The following SNX2 variants were observed in gnomAD, a reference collection of about 807,000 sequenced individuals.
SNX2 encodes sorting nexin 2.
In SNX2, 25 loss-of-function variants were observed where a neutral mutation model predicts 69.9. The observed-to-expected ratio is 0.36, with a 90% CI of 0.26 to 0.50. SNX2 has a LOEUF of 0.50. SNX2 is among the 20% of genes least tolerant of loss of function. The pLI is 0.97. For synonymous variants in SNX2, 229 were observed against 200.4 expected (o/e 1.14, Z -1.20); for missense variants, 551 against 613.3 (o/e 0.90, Z 1.07).
Position 122,826,053 on chromosome 5 carries a change from G to A in SNX2, c.1216G>A (p.Val406Met). The A allele has an allele frequency of 6.2e-7, 1 of 1,612,864 alleles. No homozygotes were observed. The highest frequency in any genetic ancestry group is 8.5e-7 in the Non-Finnish European group (1 of 1,179,158). The change falls in exon 12 of 15, where the codon GTG becomes ATG. Residue 406 changes from valine to methionine, a missense_variant. This residue lies in a region of SNX2 where 360 missense variants were observed against 450.4 expected (regional missense o/e 0.80). Coordinates refer to ENST00000379516, the MANE Select transcript of SNX2 (RefSeq NM_003100.4). Reference sequence around the variant, plus strand: ...GCATTATGTCATTCACTTATAGGGTGTGTTTGACCATCGAATGAAGTGCTG... The same window carrying A: ...GCATTATGTCATTCACTTATAGGGTATGTTTGACCATCGAATGAAGTGCTG... ...YIRLIAAVKGVFDHRMKCWQK... is the reference protein window; with the variant it reads ...YIRLIAAVKGMFDHRMKCWQK...
intron 6 of SNX2, among the ~76,000 whole-genome samples, chr5:122,806,810 A>AT (rs1753668932): frequency 6.6e-6 from 1 of 152,004 alleles, no homozygotes; most frequent in Non-Finnish European, 1.5e-5. Context: ...TAGGTGTCTT[A>AT]TTTTCCTTTT....
At chr5:122,810,648 C>T (rs1253683960) in intron 7 of SNX2, among the ~76,000 whole-genome samples, 1 of 152,094 alleles carries the variant, frequency 6.6e-6, no homozygotes, top group Admixed American at 6.5e-5. Flanking sequence ...ATAGTACTTA[C>T]CATACCTTCA....
At chr5:122,819,319 G>A (rs191081344) in intron 11 of SNX2, among the ~76,000 whole-genome samples, 10 of 152,246 alleles carry the variant, frequency 6.6e-5, no homozygotes, top group East Asian at 1.9e-4. Flanking sequence ...TTGTTTGCTC[G>A]TTCTAGCACT....
At chr5:122,778,408 T>C (rs372476395) in intron 1 of SNX2, among the ~76,000 whole-genome samples, 1 of 152,242 alleles carries the variant, frequency 6.6e-6, no homozygotes, top group African/African-American at 2.4e-5. Context: ...CTGTTTTCCA[T>C]AATGGCTATA....
intron 2 of SNX2, among the ~76,000 whole-genome samples, chr5:122,799,017 T>A (rs2150007230): frequency 6.6e-6 from 1 of 152,336 alleles, no homozygotes; most frequent in East Asian, 1.9e-4. Context: ...ATTTTACATT[T>A]TTGTGTGTTT....
At chr5:122,822,215 C>T (rs1255869520) in intron 11 of SNX2, among the ~76,000 whole-genome samples, 6 of 152,156 alleles carry the variant, frequency 3.9e-5, no homozygotes, top group East Asian at 1.9e-4. Flanking sequence ...CTCAGCCTCC[C>T]GAGTAGCTGG....
chr5:122,801,316 G>A (rs185756810), intron 3 of SNX2, among the ~76,000 whole-genome samples: 45 of 152,224 alleles, frequency 3.0e-4, no homozygotes, highest in Middle Eastern at 3.4e-3. Flanking sequence ...ATTAACATGA[G>A]ATTTTGGGCT....
chr5:122,797,997 C>T (rs1753422559), intron 2 of SNX2, among the ~76,000 whole-genome samples: 1 of 152,138 alleles, frequency 6.6e-6, no homozygotes, highest in African/African-American at 2.4e-5. Context: ...ATGACTTTAT[C>T]TGTACTGATT....
chr5:122,792,182 A>C (rs1753256500), intron 1 of SNX2, among the ~76,000 whole-genome samples: 1 of 152,262 alleles, frequency 6.6e-6, no homozygotes, highest in Non-Finnish European at 1.5e-5. Flanking sequence ...TAAGAGTTTG[A>C]AACTACTTTT....
At chr5:122,827,175 C>G (rs942226490) in intron 12 of SNX2, 14 of 555,712 alleles carry the variant, frequency 2.5e-5, no homozygotes, top group Non-Finnish European at 4.5e-5. Context: ...TTGAGCAAAT[C>G]TGTGGAATAT....
At chr5:122,818,786 A>G in intron 10 of SNX2, 32 bp from the exon 11 acceptor site, 1 of 1,577,334 alleles carries the variant, frequency 6.3e-7, no homozygotes, top group Non-Finnish European at 8.7e-7. Context: ...ATGAGTGAAC[A>G]CTAAAATTGC....
At chr5:122,826,289 G>C in intron 12 of SNX2, 96 bp downstream of exon 12, 1 of 1,049,064 alleles carries the variant, frequency 9.5e-7, no homozygotes, top group Middle Eastern at 3.3e-4. Flanking sequence ...CATTCAACAC[G>C]TAGCTATTTT....
chr5:122,798,622 G>T (rs946988756), intron 2 of SNX2, among the ~76,000 whole-genome samples: 1 of 152,126 alleles, frequency 6.6e-6, no homozygotes, highest in Non-Finnish European at 1.5e-5. Context: ...TTTCCTTGAG[G>T]TCCTGCCTTC....
At chr5:122,806,139 C>CGT (rs1267122485) in intron 6 of SNX2, among the ~76,000 whole-genome samples, 1 of 61,736 alleles carries the variant, frequency 1.6e-5, no homozygotes, top group African/African-American at 5.3e-5. Flanking sequence ...TACACACGCG[C>CGT]GCGCACACAC....
intron 1 of SNX2, among the ~76,000 whole-genome samples, chr5:122,791,204 A>G (rs182208446): frequency 1.3e-5 from 2 of 150,128 alleles, no homozygotes; most frequent in Non-Finnish European, 3.0e-5. Context: ...GCTCACCACA[A>G]CCTCTGCCTC....
At chr5:122,820,130 A>G (rs986108180) in intron 11 of SNX2, among the ~76,000 whole-genome samples, 1 of 152,152 alleles carries the variant, frequency 6.6e-6, no homozygotes, top group Non-Finnish European at 1.5e-5. Context: ...GATTTGTCCC[A>G]CCTACTCTCA....
intron 12 of SNX2, among the ~76,000 whole-genome samples, 190 bp downstream of exon 12, chr5:122,826,383 G>A (rs946639038): frequency 6.6e-6 from 1 of 151,824 alleles, no homozygotes; most frequent in Non-Finnish European, 1.5e-5. Context: ...CATTACTTAT[G>A]GAATGGATAA....
At chr5:122,827,806 G>T in intron 14 of SNX2, 160 bp downstream of exon 14, 1 of 571,198 alleles carries the variant, frequency 1.8e-6, no homozygotes, top group Non-Finnish European at 3.1e-6. Flanking sequence ...AAACTAATCG[G>T]AAACTATCTC....
At chr5:122,806,134 A>ATGCACGCGCGCGCGCG (rs142218645) in intron 6 of SNX2, among the ~76,000 whole-genome samples, 4 of 121,372 alleles carry the variant, frequency 3.3e-5, no homozygotes, top group African/African-American at 1.1e-4. Flanking sequence ...ATATATACAC[A>ATGCACGCGCGCGCGCG]CGCGCGCGCA....
Sources: allele counts gnomAD v4.1 joint callset (sites outside exome capture counted in the v4.1 genomes callset), GRCh38; gene constraint gnomAD v4.1.1; regional missense constraint gnomAD v4.1.1; transcripts MANE v1.5; gene names NCBI Gene and HGNC (gene_info 2026-07-23, HGNC 2026-07-21).